MRPS31: variants seen among roughly 807,000 people sequenced by gnomAD.
MRPS31 encodes mitochondrial ribosomal protein S31, also known as small ribosomal subunit protein mS31.
A neutral mutation model predicts 43.1 loss-of-function variants in MRPS31; 32 were observed. The ratio of observed to expected loss-of-function variants is 0.74; its 90% CI spans 0.56 to 1.00. The LOEUF is 1.00. MRPS31 is among the 50% of genes least tolerant of loss of function. The pLI is 0.00. For synonymous variants in MRPS31, 165 were observed against 161.6 expected, an observed-to-expected ratio of 1.02 and a Z score of -0.16; for missense variants, 437 against 466.7, an observed-to-expected ratio of 0.94 and a Z score of 0.59.
intron 6 of MRPS31, among the ~76,000 whole-genome samples, chr13:40,748,346 G>A (rs1297891299): frequency 3.3e-5 from 5 of 152,142 alleles, no homozygotes; most frequent in Non-Finnish European, 5.9e-5. Flanking sequence ...TAGTAGAGAC[G>A]GTGTTTCACC....
intron 6 of MRPS31, among the ~76,000 whole-genome samples, chr13:40,739,508 T>A (rs1420722260): frequency 1.3e-5 from 2 of 152,188 alleles, no homozygotes; most frequent in Non-Finnish European, 2.9e-5. Flanking sequence ...AGAACAAAGC[T>A]GGAGGCATCA....
chr13:40,747,213 G>C (rs543510721), intron 6 of MRPS31, among the ~76,000 whole-genome samples: 1 of 152,082 alleles, frequency 6.6e-6, no homozygotes. Flanking sequence ...AAAGTAGCTA[G>C]GATTACAGGC....
At chr13:40,754,238 C>A in intron 4 of MRPS31, 146 bp from the exon 5 acceptor site, 1 of 512,288 alleles carries the variant, frequency 2.0e-6, no homozygotes, top group Non-Finnish European at 3.4e-6. Flanking sequence ...TAAATTGCCA[C>A]ATTTTTAGGA....
At chr13:40,770,498 T>C (rs1055123542) in intron 1 of MRPS31, among the ~76,000 whole-genome samples, 2 of 152,242 alleles carry the variant, frequency 1.3e-5, no homozygotes, top group African/African-American at 4.8e-5. Flanking sequence ...CTCATTCATG[T>C]TGGCTGAATA....
At chr13:40,760,955 T>A (rs2138014667) in intron 2 of MRPS31, among the ~76,000 whole-genome samples, 1 of 152,154 alleles carries the variant, frequency 6.6e-6, no homozygotes, top group South Asian at 2.1e-4. Flanking sequence ...ATCTAAAATC[T>A]GATAGGAATA....
intron 6 of MRPS31, 57 bp from the exon 7 acceptor site, chr13:40,729,658 TA>T: frequency 9.2e-7 from 1 of 1,091,030 alleles, no homozygotes; most frequent in Non-Finnish European, 1.4e-6. Flanking sequence ...ACCTACATCA[TA>T]AAAATAATAT....
chr13:40,731,580 CAAAAAA>C (rs530596103), intron 6 of MRPS31, among the ~76,000 whole-genome samples: 7 of 78,492 alleles, frequency 8.9e-5, no homozygotes, highest in Admixed American at 7.9e-4. Flanking sequence ...AGACTCTGTC[CAAAAAA>C]AAAAAAGAAA....
At chr13:40,746,307 G>A (rs1880237890) in intron 6 of MRPS31, among the ~76,000 whole-genome samples, 1 of 152,126 alleles carries the variant, frequency 6.6e-6, no homozygotes, top group South Asian at 2.1e-4. Flanking sequence ...GAGGCTTCAG[G>A]TTACAATGCC....
chr13:40,767,120 T>TTACTTACA, intron 1 of MRPS31, 87 bp from the exon 2 acceptor site: 1 of 1,090,740 alleles, frequency 9.2e-7, no homozygotes, highest in African/African-American at 1.6e-5. Context: ...AGTAAAAAAC[T>TTACTTACA]ATGTATCTAA....
At chr13:40,733,244 TCCG>T (rs1392622876) in intron 6 of MRPS31, among the ~76,000 whole-genome samples, 4 of 151,998 alleles carry the variant, frequency 2.6e-5, no homozygotes, top group Non-Finnish European at 5.9e-5. Context: ...CCTCAGGTGA[TCCG>T]CCTGCTTCGG....
At position 40,750,882 on chromosome 13, in the gene MRPS31, G is replaced by A. The variant is rs9577138; in HGVS notation, c.815-1601C>T. ...TATCCTTGTAGTTACACTTTAGCGC[G>A]TATCTGTAATATTTCCTTAGAACAA... On this transcript the variant is annotated intron_variant, in intron 5 of 6. Coordinates refer to ENST00000323563, the MANE Select transcript of MRPS31 (RefSeq NM_005830.4). Among the ~76,000 whole-genome samples the A allele has an allele frequency of 2.1e-3, 312 of 151,282 alleles. 4 individuals carry two copies. In the East Asian group the frequency reaches 0.047, roughly 23 times the overall value.
chr13:40,767,146 C>T, intron 1 of MRPS31, 113 bp from the exon 2 acceptor site: 1 of 862,924 alleles, frequency 1.2e-6, no homozygotes, highest in Non-Finnish European at 1.7e-6. Context: ...TTTTTCAATT[C>T]AAGCCCTTTC....
At chr13:40,762,180 G>A (rs1880717462) in intron 2 of MRPS31, among the ~76,000 whole-genome samples, 1 of 152,018 alleles carries the variant, frequency 6.6e-6, no homozygotes, top group Admixed American at 6.6e-5. Flanking sequence ...CAGAGGTAGA[G>A]GCGATTGTGC....
chr13:40,761,705 C>T (rs1159555033), intron 2 of MRPS31, among the ~76,000 whole-genome samples: 1 of 152,136 alleles, frequency 6.6e-6, no homozygotes, highest in Non-Finnish European at 1.5e-5. Flanking sequence ...CCCTTCATAA[C>T]ATTCTGTACT....
chr13:40,745,035 C>T (rs867386297), intron 6 of MRPS31, among the ~76,000 whole-genome samples: 7 of 152,064 alleles, frequency 4.6e-5, no homozygotes, highest in Non-Finnish European at 8.8e-5. Context: ...GATTCTCATG[C>T]CTCAGCCTCC....
chr13:40,764,479 A>T (rs1880787525), intron 2 of MRPS31, among the ~76,000 whole-genome samples: 1 of 152,156 alleles, frequency 6.6e-6, no homozygotes, highest in African/African-American at 2.4e-5. Flanking sequence ...CTTTGTCAAG[A>T]TTGTTTCTCA....
At chr13:40,768,198 G>A (rs1303045857) in intron 1 of MRPS31, among the ~76,000 whole-genome samples, 2 of 152,024 alleles carry the variant, frequency 1.3e-5, no homozygotes, top group Non-Finnish European at 1.5e-5. Context: ...TCAGTAAGAG[G>A]GTATATTAAA....
rs1317198805 is a variant in MRPS31, at chr13:40,729,349, T to A, written c.*23A>T. 1 of 1,217,666 alleles carries A rather than the reference T, an allele frequency of 8.2e-7. No individual in the cohort carries two copies. The highest frequency in any genetic ancestry group is 1.2e-6 in the Non-Finnish European group (1 of 858,912). The allele number at this position is 1,217,666 out of a possible 1,614,324, so 75.4% of individuals were successfully genotyped here. ...AGTTGTAATATCCATCTCTAATTGT[T>A]TGAAATAAAAATTTCCATGGTCTTA... On this transcript the variant is annotated 3_prime_UTR_variant, in exon 7 of 7. Coordinates refer to ENST00000323563, the MANE Select transcript of MRPS31 (RefSeq NM_005830.4).
At chr13:40,737,016 T>C (rs1469011776) in intron 6 of MRPS31, among the ~76,000 whole-genome samples, 1 of 151,824 alleles carries the variant, frequency 6.6e-6, no homozygotes, top group Non-Finnish European at 1.5e-5. Context: ...GACCCATCAG[T>C]GTGCTGTATT....
Sources: gnomAD v4.1 joint callset for allele counts (sites outside exome capture counted in the v4.1 genomes callset) on GRCh38, gnomAD v4.1.1 for gene constraint, MANE v1.5 for transcripts, NCBI Gene and HGNC (gene_info 2026-07-23, HGNC 2026-07-21) for gene names.